SPECC1: variants seen among roughly 807,000 people sequenced by gnomAD.
SPECC1 encodes the protein cytospin-B.
Under a neutral mutation model 104.1 loss-of-function variants are expected in SPECC1, and 62 were observed. The ratio of observed to expected loss-of-function variants is 0.60; its 90% confidence interval spans 0.49 to 0.74. The LOEUF is 0.74. Ranked by LOEUF, SPECC1 falls within the 30% of genes least tolerant of loss-of-function variation. The probability of loss-of-function intolerance (pLI) is 0.00; values close to 1 mark genes in which losing one functional copy is unlikely to be tolerated. For missense variants in SPECC1, 1,306 were observed against 1,310.5 expected (o/e 1.00, Z 0.05); for synonymous variants, 513 against 501.6 (o/e 1.02, Z -0.30).
chr17:20,254,188 G>A (rs1314471585), intron 10 of SPECC1, among the ~76,000 whole-genome samples: 1 of 110,936 alleles, frequency 9.0e-6, no homozygotes, highest in Admixed American at 8.3e-5. Context: ...TTTGTTTTTT[G>A]TTTTAACTCC....
intron 3 of SPECC1, 99 bp downstream of exon 3, chr17:20,110,661 A>G (rs780341120): frequency 3.3e-5 from 45 of 1,350,410 alleles, no homozygotes; most frequent in Non-Finnish European, 4.3e-5. Context: ...CCCTCGTGAA[A>G]TATTTCTTGA....
chr17:20,300,837 G>A (rs1489017927), intron 13 of SPECC1, among the ~76,000 whole-genome samples: 1 of 152,244 alleles, frequency 6.6e-6, no homozygotes, highest in African/African-American at 2.4e-5. Context: ...AAGGCAGCGT[G>A]TGGAAGACTG....
chr17:20,080,987 C>G (rs1415198674), intron 1 of SPECC1, among the ~76,000 whole-genome samples: 2 of 152,108 alleles, frequency 1.3e-5, no homozygotes, highest in African/African-American at 4.8e-5. Flanking sequence ...CCTTCCTGCC[C>G]CAGTATGCCT....
intron 3 of SPECC1, among the ~76,000 whole-genome samples, chr17:20,169,834 G>A (rs1346207228): frequency 6.6e-6 from 1 of 152,162 alleles, no homozygotes; most frequent in East Asian, 1.9e-4. Context: ...TCAGAGAAGT[G>A]TTTGGATTTT....
chr17:20,293,666 G>A (rs891949623), intron 12 of SPECC1, among the ~76,000 whole-genome samples: 1 of 152,166 alleles, frequency 6.6e-6, no homozygotes, highest in Non-Finnish European at 1.5e-5. Flanking sequence ...CCCTAGACTT[G>A]CCCATTTCTT....
chr17:20,308,985 A>G (rs1567625080), intron 14 of SPECC1, among the ~76,000 whole-genome samples: 1 of 152,214 alleles, frequency 6.6e-6, no homozygotes, highest in African/African-American at 2.4e-5. Context: ...AATGTGCTAT[A>G]GAAGTTAGTG....
At chr17:20,167,261 A>G (rs2033734409) in intron 3 of SPECC1, among the ~76,000 whole-genome samples, 1 of 150,498 alleles carries the variant, frequency 6.6e-6, no homozygotes, top group Non-Finnish European at 1.5e-5. Context: ...TTTTTTAAAA[A>G]CTAGAATAAA....
chr17:20,274,119 G>A lies in SPECC1; in HGVS notation c.2940+13825G>A, dbSNP rs576480019. Among the ~76,000 whole-genome samples the A allele has an allele frequency of 5.9e-5, 9 of 152,316 alleles. No individual in the cohort carries two copies. The East Asian group carries it at 1.7e-3, about 29-fold the overall frequency. On this transcript the variant is annotated intron_variant, in intron 12 of 14. Coordinates refer to ENST00000395527, the MANE Select transcript of SPECC1 (RefSeq NM_001243439.2). ...CTTTTGTTCCTTCTGGAGTGCATTT[G>A]TGTTTGTTAGGTCAAGTTTTATTTT...
Position 20,247,252 on chromosome 17 carries a change from C to T in SPECC1, c.2531C>T (p.Thr844Ile). The T allele has an allele frequency of 1.2e-6, 2 of 1,613,530 alleles. No homozygotes were observed. Among genetic ancestry groups the T allele is most frequent in the Admixed American group, 1.7e-5 (1 of 59,964 alleles). The change falls in exon 9 of 15, where the codon ACC becomes ATC. Residue 844 changes from threonine (T) to isoleucine (I), a missense_variant. Physicochemically the swap from Thr to Ile is moderately conservative, Grantham distance 89 (BLOSUM62 -1). Coordinates refer to ENST00000395527, the MANE Select transcript of SPECC1 (RefSeq NM_001243439.2). ...GAGQNISVHKTPRSPLSGIPV... is the reference protein window; with the variant it reads ...GAGQNISVHKIPRSPLSGIPV... ...GGACAGAATATTTCTGTCCATAAGA[C>T]CCCCAGAAGTCCCCTAAGTGGGATA...
At chr17:20,083,690 C>T (rs2047068301) in intron 1 of SPECC1, among the ~76,000 whole-genome samples, 1 of 152,156 alleles carries the variant, frequency 6.6e-6, no homozygotes, top group South Asian at 2.1e-4. Flanking sequence ...CGAAATCAAG[C>T]TGCCATGAAC....
chr17:20,248,530 A>C (rs1340063255), intron 9 of SPECC1, among the ~76,000 whole-genome samples: 1 of 152,196 alleles, frequency 6.6e-6, no homozygotes. Flanking sequence ...TCCCGCTTAC[A>C]GTACTATTTT....
chr17:20,247,543 CTCTTG>C (rs2039471064), intron 9 of SPECC1, among the ~76,000 whole-genome samples: 1 of 152,142 alleles, frequency 6.6e-6, no homozygotes, highest in Non-Finnish European at 1.5e-5. Flanking sequence ...GCTGTTTTAT[CTCTTG>C]TCTGTAACAC....
At position 20,113,406 on chromosome 17, in the gene SPECC1, A is replaced by G. The variant is rs956525079; in HGVS notation, c.283+2844A>G. ...ATATTTATTGAATACTAGATGCAGT[A>G]TGGATATTTAAATTGTAAAAACTTT... On this transcript the variant is annotated intron_variant, in intron 3 of 14. Transcript: ENST00000395527. Among the ~76,000 whole-genome samples, 3 of 152,194 alleles carry G rather than the reference A, an allele frequency of 2.0e-5. No homozygotes were observed. The South Asian group carries it at 6.2e-4, about 31-fold the overall frequency.
chr17:20,072,455 C>T (rs1028508556), intron 1 of SPECC1, among the ~76,000 whole-genome samples: 3 of 152,246 alleles, frequency 2.0e-5, no homozygotes, highest in Non-Finnish European at 4.4e-5. Context: ...CTGTATGCCC[C>T]TTGCCCCCCA....
At chr17:20,155,729 C>T (rs560451555) in intron 3 of SPECC1, 1 of 203,266 alleles carries the variant, frequency 4.9e-6, no homozygotes, top group African/African-American at 2.3e-5. Context: ...CGGCACTAGG[C>T]TTCCGCCTCA....
rs2042040618 is a variant in SPECC1, at chr17:20,316,396, C to T, written c.*2331C>T. 1 of 212,044 alleles carries T rather than the reference C, an allele frequency of 4.7e-6. No individual in the cohort carries two copies. Among genetic ancestry groups the T allele is most frequent in the Non-Finnish European group, 9.6e-6 (1 of 104,652 alleles). 13.1% of individuals were successfully genotyped at this position (212,044 alleles called of 1,614,324 possible). The stretch of plus-strand genomic sequence containing the variant: ...ACTTATTTATTTTGAGATGGAGTTT[C>T]ATCCTTATTGCCCAGGCTGGAGGGC... On this transcript the variant is annotated 3_prime_UTR_variant, in exon 15 of 15. Coordinates refer to ENST00000395527, the MANE Select transcript of SPECC1 (RefSeq NM_001243439.2).
intron 3 of SPECC1, among the ~76,000 whole-genome samples, chr17:20,170,849 A>G (rs556796742): frequency 2.6e-5 from 4 of 152,304 alleles, no homozygotes; most frequent in East Asian, 1.9e-4. Context: ...ATGTGAAACT[A>G]TATCTAGTAA....
chr17:20,125,626 T>C (rs1299169317), intron 3 of SPECC1, among the ~76,000 whole-genome samples: 2 of 152,246 alleles, frequency 1.3e-5, no homozygotes, highest in Non-Finnish European at 2.9e-5. Context: ...GATCATACAG[T>C]ATCCTTTTGG....
chr17:20,032,580 A>T lies in SPECC1; in HGVS notation c.-22+23156A>T, dbSNP rs570954766. ...CTCTAGTGAATTTTAAATTTTAGTT[A>T]TTCTACCTTTCAACTCCGGAATTTC... is the stretch of plus-strand genomic sequence containing the variant. On this transcript the variant is annotated intron_variant, in intron 1 of 14. Transcript: ENST00000395527. 4.6e-5 allele frequency among the ~76,000 whole-genome samples: 7 copies of T among 152,146 alleles called. No homozygotes were observed. The South Asian group carries it at 6.2e-4, about 14-fold the overall frequency.
Sources: allele counts gnomAD v4.1 joint callset (sites outside exome capture counted in the v4.1 genomes callset), GRCh38; gene constraint gnomAD v4.1.1; transcripts MANE v1.5; gene names NCBI Gene and HGNC (gene_info 2026-07-23, HGNC 2026-07-21).